PHKA2: variants seen among roughly 807,000 people sequenced by gnomAD.
PHKA2 encodes phosphorylase b kinase regulatory subunit alpha, liver isoform.
Under a neutral mutation model 102.0 loss-of-function variants are expected in PHKA2, and 31 were observed. The ratio of observed to expected loss-of-function variants is 0.30; its 90% CI spans 0.23 to 0.41. The LOEUF (loss-of-function observed/expected upper bound fraction) is 0.41. Ranked by LOEUF, PHKA2 falls within the 10% of genes least tolerant of loss-of-function variation. The pLI, the probability that PHKA2 is intolerant of heterozygous loss-of-function variation, is 1.00. For missense variants in PHKA2, 858 were observed against 1,023.1 expected (o/e 0.84, Z 2.20); for synonymous variants, 455 against 416.2 (o/e 1.09, Z -1.13).
At chrX:18,945,874 C>T (rs1317860812) in intron 5 of PHKA2, among the ~76,000 whole-genome samples, 3 of 111,887 alleles carry the variant, frequency 2.7e-5, no homozygotes, top group Admixed American at 9.4e-5. Flanking sequence ...AAGACTGATG[C>T]CAACATTTCA....
At chrX:18,927,658 G>A (rs192725814) in intron 13 of PHKA2, among the ~76,000 whole-genome samples, 1 of 111,708 alleles carries the variant, frequency 9.0e-6, no homozygotes, top group East Asian at 2.8e-4. Context: ...TATCTCATCT[G>A]ACCTTCACAA....
chrX:18,966,918 A>G (rs1281363124), intron 1 of PHKA2, among the ~76,000 whole-genome samples: 1 of 111,723 alleles, frequency 9.0e-6, no homozygotes, highest in Non-Finnish European at 1.9e-5. Flanking sequence ...CTACTGCAGG[A>G]GGAGGGACGG....
rs780594003 is a variant in PHKA2 at position 18,924,424 on chromosome X, C to T, written c.1671G>A (p.Thr557=). 2.5e-6 allele frequency: 3 copies of T among 1,210,596 alleles called. No individual in the cohort carries two copies. The highest frequency in any genetic ancestry group is 3.4e-6 in the Non-Finnish European group (3 of 894,727). ...TGGGGAAGGTGAGTGTGGGTCTGCC[C>T]GTCATCCTCCAGCAGGTGCACAGGT... ...LAYLCTCWRM[T]GRPTLTFPIS... The change falls in exon 16 of 33, where the codon ACG becomes ACA. Residue 557 remains threonine, a synonymous_variant. Coordinates refer to ENST00000379942, the MANE Select transcript of PHKA2 (RefSeq NM_000292.3).
At chrX:18,956,683 AT>A (rs1182239212) in intron 1 of PHKA2, among the ~76,000 whole-genome samples, 1 of 112,545 alleles carries the variant, frequency 8.9e-6, no homozygotes, top group Admixed American at 9.4e-5. Flanking sequence ...GGGGATTCTC[AT>A]ATTCAGAACC....
chrX:18,916,851 T>C (rs1275872049), intron 19 of PHKA2, among the ~76,000 whole-genome samples: 1 of 110,783 alleles, frequency 9.0e-6, no homozygotes, highest in Non-Finnish European at 1.9e-5. Context: ...TATTTCTTTA[T>C]GGCAATGCAA....
chrX:18,945,936 T>A (rs905701240), intron 5 of PHKA2, among the ~76,000 whole-genome samples: 3 of 110,986 alleles, frequency 2.7e-5, no homozygotes, highest in East Asian at 2.8e-4. Flanking sequence ...TCTTTTTTTT[T>A]ATTTTTATTT....
intron 1 of PHKA2, among the ~76,000 whole-genome samples, chrX:18,965,235 T>C (rs935172179): frequency 5.4e-5 from 6 of 111,558 alleles, no homozygotes; most frequent in African/African-American, 2.0e-4. Context: ...CTCTCACTAA[T>C]TCGTGTAGTA....
intron 1 of PHKA2, among the ~76,000 whole-genome samples, chrX:18,958,696 A>G (rs1411542587): frequency 9.1e-6 from 1 of 109,576 alleles, no homozygotes; most frequent in African/African-American, 3.3e-5. Context: ...ATTAAGTTTC[A>G]GTTTCTTTTG....
rs184010710 is a variant in PHKA2, at chrX:18,901,440, A to C, written c.3027+45T>G. The C allele has an allele frequency of 6.8e-3, 5,756 of 844,679 alleles. 26 individuals carry two copies. The highest frequency in any genetic ancestry group is 9.0e-3 in the Non-Finnish European group (5,065 of 562,540). The allele number at this position is 844,679 out of a possible 1,213,427, so 69.6% of individuals were successfully genotyped here. A position where few individuals can be genotyped will look rare whatever the true frequency, so the allele number is the denominator to read the frequency against. On this transcript the variant is annotated intron_variant, in intron 27 of 32. Coordinates refer to ENST00000379942, the MANE Select transcript of PHKA2 (RefSeq NM_000292.3). ...GTCGCTTTCTGGGGTAAGCCCAGGTAGGGAGACCACCACTCATCCCTCGCT... is the reference window on the plus strand; with the variant it reads ...GTCGCTTTCTGGGGTAAGCCCAGGTCGGGAGACCACCACTCATCCCTCGCT...
At chrX:18,944,251 TTG>T (rs1008044491) in intron 6 of PHKA2, among the ~76,000 whole-genome samples, 3 of 109,722 alleles carry the variant, frequency 2.7e-5, no homozygotes, top group Non-Finnish European at 5.7e-5. Context: ...GTTCATAACG[TTG>T]TGTGTGTGTG....
Position 18,893,268 on chromosome X carries a change from G to A in PHKA2, c.*217C>T, listed in dbSNP as rs2047459944. The A allele has an allele frequency of 4.4e-6, 2 of 451,522 alleles. No individual in the cohort carries two copies. The highest frequency in any genetic ancestry group is 7.8e-6 in the Non-Finnish European group (2 of 255,679). 37.2% of individuals were successfully genotyped at this position (451,522 alleles called of 1,213,427 possible). ...AAATGAACCTAGAAAATGATCCCGG[G>A]GTGCTCCTTGCGGGGGAACACAGGA... On this transcript the variant is annotated 3_prime_UTR_variant, in exon 33 of 33. Coordinates refer to ENST00000379942, the MANE Select transcript of PHKA2 (RefSeq NM_000292.3).
intron 1 of PHKA2, among the ~76,000 whole-genome samples, chrX:18,961,485 C>T (rs1207978627): frequency 4.6e-5 from 5 of 109,010 alleles, no homozygotes; most frequent in Non-Finnish European, 9.5e-5. Context: ...TGGTGAAACC[C>T]TGTCTCTACT....
chrX:18,898,732 T>A (rs371139488), intron 29 of PHKA2, among the ~76,000 whole-genome samples: 13 of 112,251 alleles, frequency 1.2e-4, no homozygotes, highest in African/African-American at 4.2e-4. Context: ...GCCCTCCAGT[T>A]TCAGGAGGAA....
chrX:18,892,428 A>AC lies in PHKA2; in HGVS notation c.*1056dup, dbSNP rs1469246405. 1.8e-5 allele frequency: 2 copies of AC among 112,882 alleles called. No individual in the cohort carries two copies. Among genetic ancestry groups the AC allele is most frequent in the Non-Finnish European group, 3.7e-5 (2 of 53,387 alleles). 9.3% of individuals were successfully genotyped at this position (112,882 alleles called of 1,213,427 possible). A position where few individuals can be genotyped will look rare whatever the true frequency, so the allele number is the denominator to read the frequency against. On this transcript the variant is annotated 3_prime_UTR_variant, in exon 33 of 33. Transcript: ENST00000379942. The stretch of plus-strand genomic sequence containing the variant: ...AGGGCATTGGCAAAAGATTTGCCAG[A>AC]CCCTGACACCTGACTCAACCTTGCT...
At chrX:18,899,511 G>T (rs910890323) in intron 28 of PHKA2, among the ~76,000 whole-genome samples, 21 of 112,466 alleles carry the variant, frequency 1.9e-4, no homozygotes, top group African/African-American at 6.1e-4. Flanking sequence ...CATATGTGGA[G>T]GGTGCATCAT....
intron 28 of PHKA2, 59 bp from the exon 29 acceptor site, chrX:18,899,285 G>T: frequency 1.0e-6 from 1 of 978,329 alleles, no homozygotes; most frequent in African/African-American, 1.9e-5. Flanking sequence ...ACACAGCAGA[G>T]AGGAGGGTCA....
chrX:18,954,253 C>T lies in PHKA2; in HGVS notation c.237+1G>A. On this transcript the variant is annotated splice_donor_variant, in intron 2 of 32. Transcript: ENST00000379942. LOFTEE classifies it high-confidence loss of function. ...GAGATACAGCTGTCAGTCACTATTA[C>T]CTGCTCCAGCTCGTAGGCCTTGGCC... The T allele has an allele frequency of 8.3e-7, 1 of 1,211,305 alleles. No individual in the cohort carries two copies. Among genetic ancestry groups the T allele is most frequent in the Non-Finnish European group, 1.1e-6 (1 of 894,919 alleles).
At chrX:18,899,907 C>G (rs1041639952) in intron 28 of PHKA2, among the ~76,000 whole-genome samples, 1 of 111,783 alleles carries the variant, frequency 8.9e-6, no homozygotes, top group Non-Finnish European at 1.9e-5. Flanking sequence ...CAGCAAAGAA[C>G]AGAGGTGATC....
At chrX:18,895,445 G>A in intron 30 of PHKA2, 1 of 407,108 alleles carries the variant, frequency 2.5e-6, no homozygotes, top group East Asian at 4.2e-5. Flanking sequence ...CTAGGGGGCT[G>A]CCGAGTCCTC....
Sources: allele counts gnomAD v4.1 joint callset (sites outside exome capture counted in the v4.1 genomes callset), GRCh38; gene constraint gnomAD v4.1.1; transcripts MANE v1.5; gene names NCBI Gene and HGNC (gene_info 2026-07-23, HGNC 2026-07-21).